TNFRSF19: variants seen among roughly 807,000 people sequenced by gnomAD.
TNFRSF19 encodes the protein tumor necrosis factor receptor superfamily member 19.
In TNFRSF19, 27 loss-of-function variants were observed where a neutral mutation model predicts 46.4. The ratio of observed to expected loss-of-function variants is 0.58; its 90% CI spans 0.43 to 0.80. TNFRSF19 has a LOEUF of 0.80. TNFRSF19 is among the 30% of genes least tolerant of loss of function. The probability of loss-of-function intolerance (pLI) is 0.00; values close to 1 mark genes in which losing one functional copy is unlikely to be tolerated. For synonymous variants in TNFRSF19, 204 were observed against 205.0 expected (o/e 1.00, Z 0.04); for missense variants, 511 against 530.8 (o/e 0.96, Z 0.37).
At chr13:23,658,905 G>T (rs1884154814) in intron 5 of TNFRSF19, 145 bp from the exon 6 acceptor site, 2 of 958,118 alleles carry the variant, frequency 2.1e-6, no homozygotes, top group East Asian at 2.6e-5. Context: ...TCTGGGTGGA[G>T]GGGGTGCTTG....
chr13:23,593,502 C>T, intron 3 of TNFRSF19, 47 bp downstream of exon 3: 2 of 1,273,392 alleles, frequency 1.6e-6, no homozygotes, highest in East Asian at 2.4e-5. Flanking sequence ...TTGTAAAATG[C>T]ATTCGTCTTA....
intron 7 of TNFRSF19, among the ~76,000 whole-genome samples, chr13:23,664,389 G>A (rs576695168): frequency 6.6e-6 from 1 of 152,046 alleles, no homozygotes; most frequent in Admixed American, 6.6e-5. Flanking sequence ...TCTTTGCTAT[G>A]TATTTATATT....
At chr13:23,614,746 C>CACATATATATATATATAT (rs1555273059) in intron 3 of TNFRSF19, among the ~76,000 whole-genome samples, 1 of 134,864 alleles carries the variant, frequency 7.4e-6, no homozygotes. Flanking sequence ...ATAAGTAATA[C>CACATATATATATATATAT]ATATATATAT....
rs1376020046 is a variant in TNFRSF19, at chr13:23,570,693, C to T, written c.-190C>T. The T allele has an allele frequency of 6.6e-6, 1 of 152,208 alleles. No homozygotes were observed. Among genetic ancestry groups the T allele is most frequent in the African/African-American group, 2.4e-5 (1 of 41,452 alleles). The allele number at this position is 152,208 out of a possible 1,614,324, so 9.4% of individuals were successfully genotyped here. ...ACTGATTCACTGATCAGATTACAGGCATTTCATCTCCCTGCTCGTCTGCCT... is the reference window on the plus strand; with the variant it reads ...ACTGATTCACTGATCAGATTACAGGTATTTCATCTCCCTGCTCGTCTGCCT... On this transcript the variant is annotated 5_prime_UTR_variant, in exon 1 of 10. Coordinates refer to ENST00000248484, the MANE Select transcript of TNFRSF19 (RefSeq NM_148957.4).
intron 3 of TNFRSF19, among the ~76,000 whole-genome samples, chr13:23,600,264 G>A (rs534524776): frequency 1.4e-4 from 21 of 152,262 alleles, no homozygotes; most frequent in African/African-American, 4.1e-4. Flanking sequence ...TGAAAAGTCC[G>A]CAGCTCTTAG....
intron 5 of TNFRSF19, among the ~76,000 whole-genome samples, chr13:23,646,788 T>C (rs1325418442): frequency 6.6e-6 from 1 of 152,208 alleles, no homozygotes; most frequent in Non-Finnish European, 1.5e-5. Context: ...CCTTGGGGTA[T>C]ATACCCAGGA....
At chr13:23,572,751 C>G (rs112869155) in intron 1 of TNFRSF19, among the ~76,000 whole-genome samples, 1,710 of 152,284 alleles carry the variant, frequency 0.011, 36 homozygotes, top group African/African-American at 0.04. Flanking sequence ...ATGGTTGTAT[C>G]TGAAGGTACA....
chr13:23,621,929 T>A (rs532375161), intron 4 of TNFRSF19, among the ~76,000 whole-genome samples: 2 of 149,674 alleles, frequency 1.3e-5, no homozygotes, highest in Admixed American at 1.3e-4. Context: ...CCAGCCTGGG[T>A]GACAGAGCGA....
chr13:23,624,760 T>C (rs1881879209), intron 4 of TNFRSF19, among the ~76,000 whole-genome samples: 1 of 152,084 alleles, frequency 6.6e-6, no homozygotes, highest in Non-Finnish European at 1.5e-5. Flanking sequence ...TAACTTTTTT[T>C]TTTTTTTGAG....
At position 23,668,985 on chromosome 13, in the gene TNFRSF19, A is replaced by G. The variant is rs1951704391; in HGVS notation, c.1133A>G (p.Tyr378Cys). The change falls in exon 9 of 10, where the codon TAT becomes TGT. Residue 378 changes from tyrosine (Y) to cysteine (C), a missense_variant. This residue lies in a region of TNFRSF19 where 376 missense variants were observed against 372.7 expected (regional missense o/e 1.01). Coordinates refer to ENST00000248484, the MANE Select transcript of TNFRSF19 (RefSeq NM_148957.4). ...ACAGCAGCTACTGATTTATCTAGAT[A>G]TAACAACACACTGGTAGAATCAGCA... ...NFTAATDLSR[Y>C]NNTLVESAST... 6.2e-7 allele frequency: 1 copy of G among 1,614,126 alleles called. No individual in the cohort carries two copies. Among genetic ancestry groups the G allele is most frequent in the African/African-American group, 1.3e-5 (1 of 74,930 alleles).
At chr13:23,658,565 G>A (rs963419626) in intron 5 of TNFRSF19, among the ~76,000 whole-genome samples, 5 of 152,182 alleles carry the variant, frequency 3.3e-5, no homozygotes, top group Admixed American at 1.3e-4. Flanking sequence ...AAAAACTGGG[G>A]TCTACTGTAA....
chr13:23,579,724 C>T lies in TNFRSF19; in HGVS notation c.-35+8876C>T, dbSNP rs531601190. ...GAAGGGGCTGACCGGGTCTCGGGGC[C>T]GTGACAGGCGGCGAGGCGGTGGGAG... On this transcript the variant is annotated intron_variant, in intron 1 of 9. Coordinates refer to ENST00000248484, the MANE Select transcript of TNFRSF19 (RefSeq NM_148957.4). 4.6e-5 allele frequency among the ~76,000 whole-genome samples: 7 copies of T among 152,306 alleles called. No homozygotes were observed. The South Asian group carries it at 1.4e-3, about 32-fold the overall frequency.
At chr13:23,586,036 C>T (rs538362084) in intron 1 of TNFRSF19, among the ~76,000 whole-genome samples, 9 of 151,904 alleles carry the variant, frequency 5.9e-5, no homozygotes, top group African/African-American at 1.2e-4. Context: ...TTTGAGAGGC[C>T]GAGGCGGGCG....
rs529111297 is a variant in TNFRSF19 at position 23,610,475 on chromosome 13, G to T, written c.181-5392G>T. Among the ~76,000 whole-genome samples the T allele has an allele frequency of 5.3e-5, 8 of 152,200 alleles. No homozygotes were observed. In the South Asian group the frequency reaches 1.7e-3, roughly 32 times the overall value. On this transcript the variant is annotated intron_variant, in intron 3 of 9. Transcript: ENST00000248484. Reference sequence around the variant, plus strand: ...TCTGCTCCCTTGGGACCAAGATAAGGAAAGCTGCTGACCCCACTCCACCCA... The same window carrying T: ...TCTGCTCCCTTGGGACCAAGATAAGTAAAGCTGCTGACCCCACTCCACCCA...
At position 23,659,776 on chromosome 13, in the gene TNFRSF19, A is replaced by T. The variant is rs187283767; in HGVS notation, c.610+562A>T. On this transcript the variant is annotated intron_variant, in intron 6 of 9. Coordinates refer to ENST00000248484, the MANE Select transcript of TNFRSF19 (RefSeq NM_148957.4). The surrounding 1 kb of genome is among the most constrained non-coding windows in gnomAD (Gnocchi z 4.9). ...TGCCTCGGCCTCCCAAAGTGCTGAG[A>T]TGACAGATGTGAGCCACTGCACCGG... Among the ~76,000 whole-genome samples the T allele has an allele frequency of 6.6e-5, 10 of 152,320 alleles. No homozygotes were observed. The highest frequency in any genetic ancestry group is 1.3e-4 in the Admixed American group (2 of 15,292).
At chr13:23,621,557 C>T (rs1264064870) in intron 4 of TNFRSF19, among the ~76,000 whole-genome samples, 1 of 152,170 alleles carries the variant, frequency 6.6e-6, no homozygotes. Flanking sequence ...CTATGGCATG[C>T]CATCTCCTTG....
At chr13:23,649,876 A>G (rs1883535446) in intron 5 of TNFRSF19, among the ~76,000 whole-genome samples, 1 of 151,984 alleles carries the variant, frequency 6.6e-6, no homozygotes, top group South Asian at 2.1e-4. Flanking sequence ...TCATTCTCTC[A>G]TTGATTTCTA....
intron 5 of TNFRSF19, among the ~76,000 whole-genome samples, chr13:23,658,164 T>C (rs1041561472): frequency 6.6e-6 from 1 of 152,228 alleles, no homozygotes; most frequent in African/African-American, 2.4e-5. Flanking sequence ...AGTTTGTTTA[T>C]CCTGGTACCC....
chr13:23,595,461 A>C (rs534621573), intron 3 of TNFRSF19, among the ~76,000 whole-genome samples: 3 of 152,216 alleles, frequency 2.0e-5, no homozygotes, highest in Admixed American at 6.5e-5. Context: ...TTCATGAAGC[A>C]TACACAAGTA....
Sources: gnomAD v4.1 joint callset for allele counts (sites outside exome capture counted in the v4.1 genomes callset) on GRCh38, gnomAD v4.1.1 for gene constraint, gnomAD v4.1.1 regional missense constraint, Gnocchi (gnomAD v3.1) non-coding constraint, MANE v1.5 for transcripts, NCBI Gene and HGNC (gene_info 2026-07-23, HGNC 2026-07-21) for gene names.